TCERG1L: variants seen among roughly 807,000 people sequenced by gnomAD.
The protein encoded by TCERG1L is transcription elongation regulator 1 like.
TCERG1L carries 37 observed loss-of-function variants against 56.3 expected under a neutral mutation model. The observed-to-expected ratio is 0.66, with a 90% CI of 0.51 to 0.87. The LOEUF (loss-of-function observed/expected upper bound fraction) is 0.87, where lower values mean the gene tolerates loss of function less well. Among genes scored for constraint, TCERG1L ranks in the 40% least tolerant of loss-of-function variants. The pLI is 0.00. For synonymous variants in TCERG1L, 324 were observed against 326.3 expected (o/e 0.99, Z 0.08); for missense variants, 799 against 774.2 (o/e 1.03, Z -0.38).
At chr10:131,251,686 T>C (rs901296261) in intron 4 of TCERG1L, among the ~76,000 whole-genome samples, 1 of 152,224 alleles carries the variant, frequency 6.6e-6, no homozygotes, top group African/African-American at 2.4e-5. Flanking sequence ...AATGCTGTTC[T>C]TCTGACCCTC....
At chr10:131,249,735 C>A (rs890733186) in intron 4 of TCERG1L, among the ~76,000 whole-genome samples, 1 of 152,186 alleles carries the variant, frequency 6.6e-6, no homozygotes, top group African/African-American at 2.4e-5. Context: ...GCTGGGCGCT[C>A]CATGGGTACG....
chr10:131,239,006 T>C (rs1282317046), intron 4 of TCERG1L, among the ~76,000 whole-genome samples: 1 of 152,072 alleles, frequency 6.6e-6, no homozygotes, highest in Non-Finnish European at 1.5e-5. Flanking sequence ...TCCGAGAACA[T>C]AAAAGCCAAA....
intron 2 of TCERG1L, 23 bp from the exon 3 acceptor site, chr10:131,308,414 T>C: frequency 6.2e-7 from 1 of 1,606,068 alleles, no homozygotes. Flanking sequence ...AATGCAAGCA[T>C]AACACTGAAG....
chr10:131,105,025 C>T (rs1441522263), intron 9 of TCERG1L, among the ~76,000 whole-genome samples: 9 of 152,232 alleles, frequency 5.9e-5, no homozygotes, highest in East Asian at 3.9e-4. Flanking sequence ...CATCACATTT[C>T]GCTGCCATAT....
chr10:131,101,250 AG>A (rs966567497), intron 10 of TCERG1L, among the ~76,000 whole-genome samples: 5 of 152,220 alleles, frequency 3.3e-5, no homozygotes, highest in East Asian at 1.9e-4. Context: ...CCCAGACATC[AG>A]GGGACCAGCG....
chr10:131,220,030 C>T (rs902115932), intron 4 of TCERG1L, among the ~76,000 whole-genome samples: 3 of 152,174 alleles, frequency 2.0e-5, no homozygotes, highest in South Asian at 2.1e-4. Context: ...AGCCAGCCTA[C>T]GACCTCTGCC....
At chr10:131,239,398 AT>A (rs1405434855) in intron 4 of TCERG1L, among the ~76,000 whole-genome samples, 1 of 152,274 alleles carries the variant, frequency 6.6e-6, no homozygotes, top group African/African-American at 2.4e-5. Flanking sequence ...TCTCCTAAAA[AT>A]AAAGGCATGT....
intron 3 of TCERG1L, among the ~76,000 whole-genome samples, chr10:131,293,846 T>G (rs1195354028): frequency 6.6e-6 from 1 of 152,244 alleles, no homozygotes; most frequent in Admixed American, 6.5e-5. Flanking sequence ...ATTTTATTTA[T>G]GAGTTTATAT....
intron 3 of TCERG1L, among the ~76,000 whole-genome samples, chr10:131,277,918 G>T (rs1312033950): frequency 1.3e-5 from 2 of 152,140 alleles, no homozygotes; most frequent in African/African-American, 4.8e-5. Context: ...AAGGCCAGGT[G>T]ACCAGAGCAG....
chr10:131,233,540 T>TACTA (rs1427714365), intron 4 of TCERG1L, among the ~76,000 whole-genome samples: 2 of 152,152 alleles, frequency 1.3e-5, no homozygotes, highest in Non-Finnish European at 2.9e-5. Flanking sequence ...TTGCGGCTTT[T>TACTA]GTTTCATTTC....
intron 6 of TCERG1L, 92 bp from the exon 7 acceptor site, chr10:131,146,752 G>GCGACC: frequency 4.4e-6 from 6 of 1,370,662 alleles, no homozygotes; most frequent in South Asian, 1.8e-5. Flanking sequence ...AGCCCCTCAG[G>GCGACC]ACCGAAATCC....
At chr10:131,289,909 T>A (rs12770152) in intron 3 of TCERG1L, among the ~76,000 whole-genome samples, 2 of 9,764 alleles carry the variant, frequency 2.0e-4, no homozygotes, top group Non-Finnish European at 3.1e-4. Flanking sequence ...TCGGTGTGTG[T>A]GTGTATGTGT....
chr10:131,307,289 T>C (rs540181459), intron 3 of TCERG1L, among the ~76,000 whole-genome samples: 1 of 152,216 alleles, frequency 6.6e-6, no homozygotes, highest in African/African-American at 2.4e-5. Context: ...AGTTTAGTTG[T>C]TCTTCCTGAC....
At chr10:131,152,886 A>G (rs932556000) in intron 6 of TCERG1L, among the ~76,000 whole-genome samples, 1 of 152,210 alleles carries the variant, frequency 6.6e-6, no homozygotes, top group Non-Finnish European at 1.5e-5. Context: ...TCAGACGCTT[A>G]TAGAACCATC....
chr10:131,248,841 C>G lies in TCERG1L; in HGVS notation c.856+11418G>C, dbSNP rs564110967. Among the ~76,000 whole-genome samples, 14 of 152,210 alleles carry G rather than the reference C, an allele frequency of 9.2e-5. No homozygotes were observed. In the South Asian group the frequency reaches 1.2e-3, roughly 13 times the overall value. Reference sequence around the variant, plus strand: ...TCCTTCTGCTCCCATCACAGCCCCCCCAACCGGTGCTCGCATCCAGTCTTT... The same window carrying G: ...TCCTTCTGCTCCCATCACAGCCCCCGCAACCGGTGCTCGCATCCAGTCTTT... On this transcript the variant is annotated intron_variant, in intron 4 of 11. Transcript: ENST00000368642.
chr10:131,162,168 A>C (rs1429177454), intron 6 of TCERG1L: 2 of 152,248 alleles, frequency 1.3e-5, no homozygotes, highest in Non-Finnish European at 2.9e-5. Context: ...TTAGCATCAG[A>C]ATCGAGCTAA....
Position 131,093,018 on chromosome 10 carries a change from T to C in TCERG1L, c.*144A>G. ...GCTTCAATATGAAACAGTAATCCTCTGAGAACGAAGACCCCGCAGTGCCGG... is the reference window on the plus strand; with the variant it reads ...GCTTCAATATGAAACAGTAATCCTCCGAGAACGAAGACCCCGCAGTGCCGG... On this transcript the variant is annotated 3_prime_UTR_variant, in exon 12 of 12. Transcript: ENST00000368642. The C allele has an allele frequency of 1.4e-6, 1 of 720,888 alleles. No individual in the cohort carries two copies. The highest frequency in any genetic ancestry group is 3.0e-5 in the Admixed American group (1 of 33,094). The allele number at this position is 720,888 out of a possible 1,614,324, so 44.7% of individuals were successfully genotyped here.
intron 10 of TCERG1L, among the ~76,000 whole-genome samples, chr10:131,102,813 C>T (rs1405663967): frequency 6.6e-6 from 1 of 152,158 alleles, no homozygotes; most frequent in East Asian, 1.9e-4. Context: ...ACGGGCCACA[C>T]AAACCCAGGC....
chr10:131,306,639 CCTA>C lies in TCERG1L; in HGVS notation c.670+1569_670+1571del, dbSNP rs201491479. ...CTCACGTACCCCACAAATATATACACCTACTATGTACCCACAAAAAATTATAAT... is the reference window on the plus strand; with the variant it reads ...CTCACGTACCCCACAAATATATACACCTATGTACCCACAAAAAATTATAAT... On this transcript the variant is annotated intron_variant, in intron 3 of 11. Transcript: ENST00000368642. Among the ~76,000 whole-genome samples, 654 of 152,166 alleles carry C rather than the reference CCTA, an allele frequency of 4.3e-3. 12 individuals are homozygous for C. In the East Asian group the frequency reaches 0.068, roughly 16 times the overall value.
Sources: allele counts gnomAD v4.1 joint callset (sites outside exome capture counted in the v4.1 genomes callset), GRCh38; gene constraint gnomAD v4.1.1; transcripts MANE v1.5; gene names NCBI Gene and HGNC (gene_info 2026-07-23, HGNC 2026-07-21).